HLCS: variants seen among roughly 807,000 people sequenced by gnomAD.
The protein encoded by HLCS is biotin--protein ligase.
HLCS carries 53 observed loss-of-function variants against 75.0 expected under a neutral mutation model. That is an observed-to-expected ratio of 0.71 (90% CI 0.57 to 0.89). The LOEUF (loss-of-function observed/expected upper bound fraction) is 0.89. HLCS is among the 40% of genes least tolerant of loss of function. The pLI is 0.00. For synonymous variants in HLCS, 431 were observed against 428.6 expected (o/e 1.01, Z -0.07); for missense variants, 966 against 1,074.0 (o/e 0.90, Z 1.41).
upstream of HLCS, among the ~76,000 whole-genome samples, chr21:36,971,085 C>T (rs2068776531): frequency 6.6e-6 from 1 of 151,460 alleles, no homozygotes. Flanking sequence ...GAACAATCGT[C>T]AAATCAAGCA....
chr21:36,873,102 A>G (rs183138515), intron 6 of HLCS, among the ~76,000 whole-genome samples: 1 of 151,562 alleles, frequency 6.6e-6, no homozygotes, highest in Non-Finnish European at 1.5e-5. Flanking sequence ...TACACTTATT[A>G]TACTGCTGGC....
chr21:36,984,782 C>T (rs2069195201), intron 1 of HLCS, among the ~76,000 whole-genome samples: 1 of 152,102 alleles, frequency 6.6e-6, no homozygotes, highest in Non-Finnish European at 1.5e-5. Flanking sequence ...AAAACAGGGG[C>T]ACTTGTACCC....
At chr21:36,859,173 C>T (rs1396423982) in intron 6 of HLCS, among the ~76,000 whole-genome samples, 1 of 152,176 alleles carries the variant, frequency 6.6e-6, no homozygotes, top group Non-Finnish European at 1.5e-5. Context: ...CAGGCGTGTG[C>T]CACCAAGCCC....
chr21:36,927,205 C>A, intron 5 of HLCS, among the ~76,000 whole-genome samples: 1 of 152,244 alleles, frequency 6.6e-6, no homozygotes, highest in East Asian at 1.9e-4. Context: ...CCCAGCTCAG[C>A]CGCCCACAGC....
chr21:36,761,113 T>A (rs889152444), intron 8 of HLCS, among the ~76,000 whole-genome samples: 1 of 152,252 alleles, frequency 6.6e-6, no homozygotes, highest in African/African-American at 2.4e-5. Context: ...AGCATTAGTC[T>A]ACGTGTTACT....
rs758287366 is a variant in HLCS at position 36,930,299 on chromosome 21, C to T, written c.1572G>A (p.Met524Ile). The change falls in exon 5 of 11, where the codon ATG becomes ATA. Residue 524 changes from methionine to isoleucine, a missense_variant. By Grantham distance (10) the Met-to-Ile change is conservative. Coordinates refer to ENST00000674895, the MANE Select transcript of HLCS (RefSeq NM_001352514.2). The stretch of plus-strand genomic sequence containing the variant: ...GAGGAGTTAAGGCAGGAACTTGTTT[C>T]ATGTCACAGCTGAGGCCAAGGGTTG... ...ILTTLGLSCD[M>I]KQVPALTPLY... 1 of 1,614,178 alleles carries T rather than the reference C, an allele frequency of 6.2e-7. No individual in the cohort carries two copies. The highest frequency in any genetic ancestry group is 1.7e-5 in the Admixed American group (1 of 60,020).
At chr21:36,823,604 G>T (rs1015574559) in intron 6 of HLCS, among the ~76,000 whole-genome samples, 4 of 90,704 alleles carry the variant, frequency 4.4e-5, no homozygotes, top group Admixed American at 2.8e-4. Context: ...AGCTTCAAAC[G>T]TGCAGGGTGT....
chr21:36,786,118 C>T (rs551524918), intron 6 of HLCS, among the ~76,000 whole-genome samples: 1 of 152,300 alleles, frequency 6.6e-6, no homozygotes, highest in Non-Finnish European at 1.5e-5. Flanking sequence ...TCCAGGGTTT[C>T]CTGAACCTTC....
chr21:36,957,929 G>GAA (rs58789618), intron 2 of HLCS, among the ~76,000 whole-genome samples: 5 of 64,404 alleles, frequency 7.8e-5, no homozygotes, highest in Non-Finnish European at 1.2e-4. Flanking sequence ...ACTGCGTCTC[G>GAA]AAAAAAAAAA....
At chr21:36,831,571 T>G (rs2062212469) in intron 6 of HLCS, among the ~76,000 whole-genome samples, 1 of 152,116 alleles carries the variant, frequency 6.6e-6, no homozygotes, top group South Asian at 2.1e-4. Context: ...TAGTCCCAGC[T>G]ACTCAGGAGG....
At chr21:36,988,150 G>C (rs1201136717) in intron 1 of HLCS, among the ~76,000 whole-genome samples, 1 of 152,176 alleles carries the variant, frequency 6.6e-6, no homozygotes, top group Non-Finnish European at 1.5e-5. Flanking sequence ...CTGGAGATGT[G>C]TCATTTCCTC....
At chr21:36,929,190 T>C (rs1007125417) in intron 5 of HLCS, among the ~76,000 whole-genome samples, 1 of 152,224 alleles carries the variant, frequency 6.6e-6, no homozygotes, top group African/African-American at 2.4e-5. Context: ...AAGACCAGCA[T>C]GATCAGAACT....
At chr21:36,850,766 G>A (rs1462375244) in intron 6 of HLCS, among the ~76,000 whole-genome samples, 1 of 152,190 alleles carries the variant, frequency 6.6e-6, no homozygotes, top group Non-Finnish European at 1.5e-5. Context: ...CAACAGGTAT[G>A]TGAGTCCTGG....
intron 6 of HLCS, among the ~76,000 whole-genome samples, chr21:36,845,247 C>G (rs182598985): frequency 4.5e-4 from 69 of 152,206 alleles, no homozygotes; most frequent in African/African-American, 1.6e-3. Flanking sequence ...CACTCGGCCC[C>G]GATCAAAGCG....
At chr21:36,867,009 G>A (rs2063582016) in intron 6 of HLCS, among the ~76,000 whole-genome samples, 1 of 152,082 alleles carries the variant, frequency 6.6e-6, no homozygotes, top group African/African-American at 2.4e-5. Flanking sequence ...CCCACAGATG[G>A]TTGCAGAGAA....
rs2123534472 is a variant in HLCS, at chr21:36,750,921, T to C, written c.*3325A>G. 1 of 152,158 alleles carries C rather than the reference T, an allele frequency of 6.6e-6. No homozygotes were observed. Among genetic ancestry groups the C allele is most frequent in the South Asian group, 2.1e-4 (1 of 4,818 alleles). The allele number at this position is 152,158 out of a possible 1,614,324, so 9.4% of individuals were successfully genotyped here. A position where few individuals can be genotyped will look rare whatever the true frequency, so the allele number is the denominator to read the frequency against. ...CATTAAATTTATTTCTCACCTCCAT[T>C]AAAAGGGTTTTTGCTTTGGAGTTTT... On this transcript the variant is annotated 3_prime_UTR_variant, in exon 11 of 11. Coordinates refer to ENST00000674895, the MANE Select transcript of HLCS (RefSeq NM_001352514.2).
At chr21:36,815,848 T>A (rs2061649737) in intron 6 of HLCS, among the ~76,000 whole-genome samples, 1 of 152,182 alleles carries the variant, frequency 6.6e-6, no homozygotes, top group Non-Finnish European at 1.5e-5. Context: ...GGTTCCTGGA[T>A]ACCTTTGACT....
intron 6 of HLCS, among the ~76,000 whole-genome samples, chr21:36,891,959 G>A (rs2064804706): frequency 6.6e-6 from 1 of 152,122 alleles, no homozygotes; most frequent in Non-Finnish European, 1.5e-5. Flanking sequence ...TTGGCCCAAG[G>A]GAGTTGCTAT....
intron 6 of HLCS, among the ~76,000 whole-genome samples, chr21:36,794,366 C>T (rs770234403): frequency 2.6e-5 from 4 of 152,234 alleles, no homozygotes; most frequent in Non-Finnish European, 5.9e-5. Context: ...TCCCTGAAGG[C>T]TGCTGCAATA....
Sources: gnomAD v4.1 joint callset for allele counts (sites outside exome capture counted in the v4.1 genomes callset) on GRCh38, gnomAD v4.1.1 for gene constraint, MANE v1.5 for transcripts, NCBI Gene and HGNC (gene_info 2026-07-23, HGNC 2026-07-21) for gene names.